SHISA9: variants seen among roughly 807,000 people sequenced by gnomAD.
The protein encoded by SHISA9 is shisa family member 9.
A neutral mutation model predicts 38.0 loss-of-function variants in SHISA9; 13 were observed. The observed-to-expected ratio is 0.34, with a 90% CI of 0.22 to 0.54. SHISA9 has a LOEUF of 0.54. SHISA9 is among the 20% of genes least tolerant of loss of function. SHISA9 has a pLI of 0.91. For missense variants in SHISA9, 538 were observed against 575.8 expected (o/e 0.93, Z 0.67); for synonymous variants, 275 against 242.0 (o/e 1.14, Z -1.27).
chr16:13,205,200 C>T (rs1394953724), intron 3 of SHISA9, among the ~76,000 whole-genome samples: 1 of 152,176 alleles, frequency 6.6e-6, no homozygotes. Context: ...ATTTTTAAAG[C>T]ACTCTGTGGC....
At chr16:12,968,148 C>G (rs1265247748) in intron 2 of SHISA9, among the ~76,000 whole-genome samples, 1 of 131,598 alleles carries the variant, frequency 7.6e-6, no homozygotes, top group Admixed American at 8.7e-5. Context: ...TGAGGTGGCA[C>G]CACTGCACTC....
chr16:13,359,717 T>A, the SHISA9 span, among the ~76,000 whole-genome samples: 1 of 152,118 alleles, frequency 6.6e-6, no homozygotes, highest in Non-Finnish European at 1.5e-5. Flanking sequence ...AGTTTATGGG[T>A]CACTTCTTTT....
At chr16:13,212,226 G>A (rs2051127777) in intron 3 of SHISA9, among the ~76,000 whole-genome samples, 1 of 152,138 alleles carries the variant, frequency 6.6e-6, no homozygotes, top group Non-Finnish European at 1.5e-5. Context: ...GTCTTTCTAG[G>A]TAGATGCCTA....
At chr16:13,251,338 C>T in the SHISA9 span, among the ~76,000 whole-genome samples, 1 of 152,164 alleles carries the variant, frequency 6.6e-6, no homozygotes, top group Non-Finnish European at 1.5e-5. Context: ...ACTTTTTTTA[C>T]TCCAGTCATT....
intron 2 of SHISA9, among the ~76,000 whole-genome samples, chr16:12,944,154 A>G (rs1467272994): frequency 6.6e-6 from 1 of 152,186 alleles, no homozygotes; most frequent in East Asian, 1.9e-4. Flanking sequence ...CCACTGTTGT[A>G]TTAGAATATG....
the SHISA9 span, among the ~76,000 whole-genome samples, chr16:13,420,245 C>CAAAA: frequency 0.07 from 3,504 of 50,356 alleles, 655 homozygotes; most frequent in South Asian, 0.12. Context: ...GAATCTGTTT[C>CAAAA]AAAAAAAAAA....
chr16:13,323,587 GA>G, the SHISA9 span, among the ~76,000 whole-genome samples: 5 of 152,174 alleles, frequency 3.3e-5, no homozygotes, highest in African/African-American at 7.2e-5. Flanking sequence ...CATCTATAAA[GA>G]AAAGAGGTTT....
intron 2 of SHISA9, among the ~76,000 whole-genome samples, chr16:13,178,755 G>C (rs892130320): frequency 6.6e-6 from 1 of 152,190 alleles, no homozygotes; most frequent in African/African-American, 2.4e-5. Context: ...ATTTCCCAGA[G>C]AGCAGAAGAT....
chr16:13,276,043 G>A, the SHISA9 span, among the ~76,000 whole-genome samples: 281 of 151,930 alleles, frequency 1.8e-3, 1 homozygote, highest in African/African-American at 6.3e-3. Flanking sequence ...GTATACACTG[G>A]ACCATATTTG....
the SHISA9 span, among the ~76,000 whole-genome samples, chr16:13,493,593 T>C: frequency 6.6e-6 from 1 of 152,226 alleles, no homozygotes; most frequent in Non-Finnish European, 1.5e-5. Flanking sequence ...ACTGTGTTTC[T>C]TACTACTTTT....
At chr16:12,987,297 C>A (rs1311028753) in intron 2 of SHISA9, among the ~76,000 whole-genome samples, 1 of 152,140 alleles carries the variant, frequency 6.6e-6, no homozygotes, top group African/African-American at 2.4e-5. Flanking sequence ...TTAGTAATTG[C>A]CATTCTGACA....
chr16:13,041,463 A>G (rs920585534), intron 2 of SHISA9, among the ~76,000 whole-genome samples: 24 of 152,122 alleles, frequency 1.6e-4, no homozygotes, highest in African/African-American at 5.3e-4. Context: ...TGGCTGTTCT[A>G]TTCCCTGTTG....
the SHISA9 span, among the ~76,000 whole-genome samples, chr16:13,291,639 C>A: frequency 6.6e-6 from 1 of 152,114 alleles, no homozygotes; most frequent in Non-Finnish European, 1.5e-5. Context: ...TGTTCTAGTT[C>A]ATGTTTTAAG....
the SHISA9 span, among the ~76,000 whole-genome samples, chr16:13,328,798 C>G: frequency 2.0e-5 from 3 of 152,038 alleles, no homozygotes; most frequent in African/African-American, 7.2e-5. Context: ...TAAGAGGCAG[C>G]CTACTGCACT....
At chr16:13,190,867 C>T (rs1437276252) in intron 2 of SHISA9, among the ~76,000 whole-genome samples, 1 of 151,826 alleles carries the variant, frequency 6.6e-6, no homozygotes, top group Admixed American at 6.6e-5. Context: ...TCTTGGGTAA[C>T]ACCAATGCCT....
At chr16:12,965,904 G>A (rs1312286670) in intron 2 of SHISA9, among the ~76,000 whole-genome samples, 1 of 152,216 alleles carries the variant, frequency 6.6e-6, no homozygotes, top group Non-Finnish European at 1.5e-5. Flanking sequence ...AGGGCGATAA[G>A]TGCTTATCTT....
intron 2 of SHISA9, among the ~76,000 whole-genome samples, chr16:13,073,969 G>GTTT (rs11315393): frequency 7.8e-6 from 1 of 127,894 alleles, no homozygotes; most frequent in Non-Finnish European, 1.7e-5. Flanking sequence ...TTTTTTTTTT[G>GTTT]TTTTTTTTTT....
chr16:13,247,723 A>T, the SHISA9 span, among the ~76,000 whole-genome samples: 1 of 152,208 alleles, frequency 6.6e-6, no homozygotes, highest in Non-Finnish European at 1.5e-5. Context: ...CCCATCAAGA[A>T]ATGTCATGGT....
intron 2 of SHISA9, among the ~76,000 whole-genome samples, chr16:13,189,715 G>T (rs1431044666): frequency 2.6e-5 from 4 of 152,174 alleles, no homozygotes; most frequent in African/African-American, 9.7e-5. Context: ...AAAACATAAA[G>T]GAGAGCAGAG....
Sources: allele counts gnomAD v4.1 joint callset (sites outside exome capture counted in the v4.1 genomes callset), GRCh38; gene constraint gnomAD v4.1.1; transcripts MANE v1.5; gene names NCBI Gene and HGNC (gene_info 2026-07-23, HGNC 2026-07-21).